Variants in ZNF730 observed in about 807,000 individuals in gnomAD.
ZNF730 encodes putative zinc finger protein 730.
Under a neutral mutation model 12.6 loss-of-function variants are expected in ZNF730, and 12 were observed. The observed-to-expected ratio is 0.95, with a 90% confidence interval of 0.61 to 1.54. The LOEUF is 1.54. Ranked by LOEUF, ZNF730 falls within the 40% of genes most tolerant of loss-of-function variation. The pLI, the probability that ZNF730 is intolerant of heterozygous loss-of-function variation, is 0.00. For missense variants in ZNF730, 643 were observed against 583.5 expected (o/e 1.10, Z -1.05); for synonymous variants, 194 against 195.8 (o/e 0.99, Z 0.08).
chr19:23,082,986 A>G (rs1969990401), intron 1 of ZNF730, among the ~76,000 whole-genome samples: 1 of 152,172 alleles, frequency 6.6e-6, no homozygotes, highest in Non-Finnish European at 1.5e-5. Flanking sequence ...GGTGTGAGCC[A>G]CCGGACCCGG....
At chr19:23,137,431 C>T (rs1175092266) in intron 3 of ZNF730, among the ~76,000 whole-genome samples, 2 of 152,050 alleles carry the variant, frequency 1.3e-5, no homozygotes, top group Non-Finnish European at 2.9e-5. Flanking sequence ...TGTTAATTTT[C>T]TATTTGCTAA....
At chr19:23,099,919 T>TG (rs1970309702) in intron 1 of ZNF730, 1 of 152,168 alleles carries the variant, frequency 6.6e-6, no homozygotes, top group Non-Finnish European at 1.5e-5. Context: ...CAGGAGGCAT[T>TG]GTGACATATC....
chr19:23,115,974 CCT>C (rs1970513667), upstream of ZNF730, among the ~76,000 whole-genome samples: 1 of 152,148 alleles, frequency 6.6e-6, no homozygotes, highest in Non-Finnish European at 1.5e-5. Flanking sequence ...AATATTTTCC[CCT>C]GATTTAAAGT....
At chr19:23,140,032 A>C (rs1233910838) in intron 3 of ZNF730, among the ~76,000 whole-genome samples, 2 of 152,072 alleles carry the variant, frequency 1.3e-5, no homozygotes, top group Non-Finnish European at 2.9e-5. Context: ...TAATTAAGAG[A>C]TAAATCAGCC....
At chr19:23,079,808 T>A (rs542977590) in intron 1 of ZNF730, among the ~76,000 whole-genome samples, 31 of 152,234 alleles carry the variant, frequency 2.0e-4, no homozygotes, top group Non-Finnish European at 3.7e-4. Flanking sequence ...CATTTTACTT[T>A]CTTTTTTCAT....
intron 1 of ZNF730, among the ~76,000 whole-genome samples, chr19:23,094,397 T>G (rs564634432): frequency 5.9e-5 from 9 of 151,642 alleles, no homozygotes; most frequent in Non-Finnish European, 1.2e-4. Flanking sequence ...TATCTGTCTA[T>G]CTGTCTATCT....
intron 1 of ZNF730, among the ~76,000 whole-genome samples, chr19:23,088,081 C>T (rs768250264): frequency 6.0e-5 from 9 of 151,068 alleles, no homozygotes; most frequent in African/African-American, 1.2e-4. Flanking sequence ...TGCAGTGGTG[C>T]GATCTTGGCT....
At chr19:23,087,384 GGAGACAGAGCAA>G (rs1431351934) in intron 1 of ZNF730, among the ~76,000 whole-genome samples, 1 of 151,896 alleles carries the variant, frequency 6.6e-6, no homozygotes, top group Non-Finnish European at 1.5e-5. Context: ...CTCCAGCCTG[GGAGACAGAGCAA>G]GATTCCGTCT....
chr19:23,116,105 A>G (rs564556232), upstream of ZNF730, among the ~76,000 whole-genome samples: 1 of 152,346 alleles, frequency 6.6e-6, no homozygotes, highest in South Asian at 2.1e-4. Context: ...CCTGACACTT[A>G]GGGCCAAGGC....
chr19:23,095,121 G>C (rs1350309408), intron 1 of ZNF730: 2 of 359,630 alleles, frequency 5.6e-6, no homozygotes, highest in African/African-American at 4.2e-5. Flanking sequence ...ACTCACAGAA[G>C]GGATTGTGAC....
intron 1 of ZNF730, among the ~76,000 whole-genome samples, chr19:23,122,519 G>A (rs1970611839): frequency 1.3e-5 from 2 of 152,110 alleles, no homozygotes; most frequent in Admixed American, 1.3e-4. Flanking sequence ...GAATGATAAA[G>A]AATAAAAAAG....
intron 1 of ZNF730, among the ~76,000 whole-genome samples, chr19:23,121,775 T>G (rs1970602596): frequency 6.6e-6 from 1 of 152,242 alleles, no homozygotes; most frequent in South Asian, 2.1e-4. Context: ...CAGTGTCTAC[T>G]GAAGTTCAGA....
At chr19:23,142,819 TTC>T (rs2145699475) in intron 3 of ZNF730, among the ~76,000 whole-genome samples, 1 of 152,132 alleles carries the variant, frequency 6.6e-6, no homozygotes, top group Admixed American at 6.5e-5. Context: ...GTCCCTCATT[TTC>T]TCTTTTTGTC....
chr19:23,134,439 G>C (rs1367508148), intron 2 of ZNF730, among the ~76,000 whole-genome samples: 4 of 140,326 alleles, frequency 2.9e-5, no homozygotes, highest in Admixed American at 7.0e-5. Context: ...GGAGGCGGAG[G>C]GGGGTCGGCC....
chr19:23,100,874 T>G (rs1229791613), intron 1 of ZNF730, among the ~76,000 whole-genome samples: 1 of 152,094 alleles, frequency 6.6e-6, no homozygotes, highest in Non-Finnish European at 1.5e-5. Context: ...CAGGCTGGTC[T>G]CGAAGTCCTG....
At chr19:23,082,303 T>G (rs1969978729) in intron 1 of ZNF730, among the ~76,000 whole-genome samples, 1 of 152,166 alleles carries the variant, frequency 6.6e-6, no homozygotes, top group Non-Finnish European at 1.5e-5. Context: ...GACATTTCAC[T>G]TAACATGATA....
intron 1 of ZNF730, among the ~76,000 whole-genome samples, chr19:23,106,960 TAC>T (rs984143633): frequency 6.6e-6 from 1 of 152,138 alleles, no homozygotes; most frequent in African/African-American, 2.4e-5. Context: ...TGTTGGCATA[TAC>T]ACACACGCAT....
chr19:23,103,352 A>C (rs1970356921), intron 1 of ZNF730, among the ~76,000 whole-genome samples: 1 of 152,246 alleles, frequency 6.6e-6, no homozygotes, highest in Admixed American at 6.5e-5. Context: ...CTGTAAATAA[A>C]AAATTGAAAT....
chr19:23,078,122 A>G (rs1054790752), intron 1 of ZNF730, among the ~76,000 whole-genome samples: 1 of 152,144 alleles, frequency 6.6e-6, no homozygotes, highest in Non-Finnish European at 1.5e-5. Context: ...CCTCATGGGA[A>G]GGGAAAGACC....
Sources: gnomAD v4.1 joint callset for allele counts (sites outside exome capture counted in the v4.1 genomes callset) on GRCh38, gnomAD v4.1.1 for gene constraint, MANE v1.5 for transcripts, NCBI Gene and HGNC (gene_info 2026-07-23, HGNC 2026-07-21) for gene names.